The following RBFOX1 variants were observed in gnomAD, a reference collection of about 807,000 sequenced individuals.
RBFOX1 encodes the protein RNA binding fox-1 homolog 1.
In RBFOX1, 8 loss-of-function variants were observed where a neutral mutation model predicts 57.7. The ratio of observed to expected loss-of-function variants is 0.14; its 90% CI spans 0.08 to 0.25. RBFOX1 has a LOEUF of 0.25. Ranked by LOEUF, RBFOX1 falls within the 10% of genes least tolerant of loss-of-function variation. The probability of loss-of-function intolerance (pLI) is 1.00; values close to 1 mark genes in which losing one functional copy is unlikely to be tolerated. For missense variants in RBFOX1, 611 were observed against 548.5 expected (o/e 1.11, Z -1.14); for synonymous variants, 326 against 222.4 (o/e 1.47, Z -4.15).
chr16:6,572,264 A>G (rs184620921), intron 2 of RBFOX1, among the ~76,000 whole-genome samples: 107 of 152,328 alleles, frequency 7.0e-4, no homozygotes, highest in Admixed American at 3.8e-3. Flanking sequence ...ATCAAATTCT[A>G]TAGGACATAG....
intron 3 of RBFOX1, among the ~76,000 whole-genome samples, chr16:6,951,890 C>A (rs115892100): frequency 2.1e-3 from 316 of 152,272 alleles, no homozygotes; most frequent in African/African-American, 7.3e-3. Context: ...TATGCACCAC[C>A]ATGCCCAGCT....
At chr16:5,878,614 G>A (rs1361916887) in intron 4 of RBFOX1, among the ~76,000 whole-genome samples, 1 of 152,136 alleles carries the variant, frequency 6.6e-6, no homozygotes, top group African/African-American at 2.4e-5. Flanking sequence ...GAAACTTCGT[G>A]ACTATGCCTG....
chr16:6,795,882 C>G (rs1013454843), intron 3 of RBFOX1, among the ~76,000 whole-genome samples: 2 of 151,986 alleles, frequency 1.3e-5, no homozygotes, highest in African/African-American at 4.8e-5. Context: ...CCTGCCTTCC[C>G]TTTCCTTTTA....
rs182561552 is a variant in RBFOX1 at position 7,502,911 on chromosome 16, T to A, written c.28-15236T>A. Among the ~76,000 whole-genome samples the A allele has an allele frequency of 1.1e-4, 16 of 152,236 alleles. No homozygotes were observed. The East Asian group carries it at 3.1e-3, about 29-fold the overall frequency. On this transcript the variant is annotated intron_variant, in intron 4 of 15. Transcript: ENST00000550418. ...GGTGGCAGGTGCCTGTAATCCTAGC[T>A]ACTCGGGAGCCTGAGGCAGGAGAGT...
chr16:5,600,676 A>G (rs1023165935), downstream of RBFOX1, among the ~76,000 whole-genome samples: 8 of 151,908 alleles, frequency 5.3e-5, no homozygotes, highest in African/African-American at 1.5e-4. Context: ...GTGCTTGTCT[A>G]TTCCCCCAAA....
At chr16:6,705,600 C>G (rs1019254) in intron 3 of RBFOX1, 26,048 of 152,012 alleles carry the variant, frequency 0.17, 4,687 homozygotes, top group African/African-American at 0.46. Flanking sequence ...TTTTAGGACT[C>G]AGCTATGAAA....
At chr16:6,969,587 A>G (rs888503490) in intron 3 of RBFOX1, among the ~76,000 whole-genome samples, 1 of 151,906 alleles carries the variant, frequency 6.6e-6, no homozygotes, top group Non-Finnish European at 1.5e-5. Flanking sequence ...ATAAAAATAA[A>G]AAAAAAATTA....
intron 3 of RBFOX1, among the ~76,000 whole-genome samples, chr16:6,954,783 C>T (rs2081421501): frequency 6.6e-6 from 1 of 152,102 alleles, no homozygotes; most frequent in African/African-American, 2.4e-5. Flanking sequence ...GACTTGAGCA[C>T]CCAGTTTGAA....
chr16:5,806,544 C>G (rs1018481227), intron 3 of RBFOX1, among the ~76,000 whole-genome samples: 1 of 152,196 alleles, frequency 6.6e-6, no homozygotes, highest in Non-Finnish European at 1.5e-5. Flanking sequence ...GAACTTTCAA[C>G]AGGAATTTTG....
At chr16:6,849,029 C>G (rs965234579) in intron 3 of RBFOX1, among the ~76,000 whole-genome samples, 2 of 152,212 alleles carry the variant, frequency 1.3e-5, no homozygotes, top group African/African-American at 4.8e-5. Context: ...ATTGGCCAGG[C>G]TTACGTGTCC....
intron 3 of RBFOX1, among the ~76,000 whole-genome samples, chr16:5,777,435 T>C (rs983826584): frequency 7.2e-5 from 11 of 152,208 alleles, no homozygotes; most frequent in South Asian, 2.1e-4. Context: ...AGAAGGCACA[T>C]ATTCAGATGA....
In RBFOX1 at chr16:5,699,844, T is replaced by G. The variant is rs547432184; in HGVS notation, c.318+100883T>G. On this transcript the variant is annotated intron_variant, in intron 3 of 19. Coordinates refer to the RBFOX1 transcript ENST00000641259. Reference sequence around the variant, plus strand: ...TGTTCTGGTTTTATTATTTATTTATTTATTTTTAAGACGGAGTCTTGCTCT... The same window carrying G: ...TGTTCTGGTTTTATTATTTATTTATGTATTTTTAAGACGGAGTCTTGCTCT... Among the ~76,000 whole-genome samples, 17 of 152,322 alleles carry G rather than the reference T, an allele frequency of 1.1e-4. 1 individual carries two copies. Among genetic ancestry groups the G allele is most frequent in the African/African-American group, 4.1e-4 (17 of 41,582 alleles).
At chr16:6,199,177 C>G (rs1014894506) in intron 1 of RBFOX1, among the ~76,000 whole-genome samples, 7 of 152,098 alleles carry the variant, frequency 4.6e-5, no homozygotes, top group South Asian at 4.1e-4. Context: ...CATCACAGAT[C>G]TCTTACTCGG....
intron 4 of RBFOX1, among the ~76,000 whole-genome samples, chr16:5,954,831 T>C (rs2059590935): frequency 6.6e-6 from 1 of 151,972 alleles, no homozygotes; most frequent in Non-Finnish European, 1.5e-5. Context: ...TTCTAGGATG[T>C]TATGGAGGAG....
chr16:5,871,137 C>G (rs2057460270), intron 4 of RBFOX1, among the ~76,000 whole-genome samples: 2 of 152,218 alleles, frequency 1.3e-5, no homozygotes, highest in Non-Finnish European at 2.9e-5. Context: ...GCACCACACA[C>G]AGTTTTAATA....
At chr16:7,264,747 C>T (rs762683831) in intron 4 of RBFOX1, among the ~76,000 whole-genome samples, 4 of 151,992 alleles carry the variant, frequency 2.6e-5, no homozygotes, top group African/African-American at 9.7e-5. Context: ...TAGCTCTTGG[C>T]TATATCAAAA....
chr16:7,590,589 G>A (rs2094390737), intron 7 of RBFOX1, among the ~76,000 whole-genome samples: 1 of 152,100 alleles, frequency 6.6e-6, no homozygotes, highest in African/African-American at 2.4e-5. Context: ...GCCGTGTGCG[G>A]TGGCTCACTC....
chr16:7,399,368 A>C (rs1205563269), intron 4 of RBFOX1, among the ~76,000 whole-genome samples: 3 of 152,120 alleles, frequency 2.0e-5, no homozygotes, highest in African/African-American at 7.2e-5. Flanking sequence ...AATTGCTTTA[A>C]CCTGGGAGGC....
intron 2 of RBFOX1, among the ~76,000 whole-genome samples, chr16:6,339,936 T>A (rs1458481491): frequency 6.6e-6 from 1 of 151,978 alleles, no homozygotes; most frequent in Non-Finnish European, 1.5e-5. Context: ...CTCGTCCTCC[T>A]AAAGTGCTGG....
Sources: allele counts gnomAD v4.1 joint callset (sites outside exome capture counted in the v4.1 genomes callset), GRCh38; gene constraint gnomAD v4.1.1; transcripts MANE v1.5; gene names NCBI Gene and HGNC (gene_info 2026-07-23, HGNC 2026-07-21).